Variants in MAML2 observed in about 807,000 individuals in gnomAD.
MAML2 encodes the protein mastermind-like protein 2.
In MAML2, 22 loss-of-function variants were observed where a neutral mutation model predicts 96.1. That is an observed-to-expected ratio of 0.23 (90% CI 0.16 to 0.33). The LOEUF (loss-of-function observed/expected upper bound fraction) is 0.33. Ranked by LOEUF, MAML2 falls within the 10% of genes least tolerant of loss-of-function variation. The probability of loss-of-function intolerance (pLI) is 1.00; values close to 1 mark genes in which losing one functional copy is unlikely to be tolerated. For synonymous variants in MAML2, 561 were observed against 521.3 expected, an observed-to-expected ratio of 1.08 and a Z score of -1.04; for missense variants, 1,367 against 1,392.4, an observed-to-expected ratio of 0.98 and a Z score of 0.29.
At chr11:96,100,395 C>T (rs1175768155) in intron 1 of MAML2, among the ~76,000 whole-genome samples, 4 of 151,306 alleles carry the variant, frequency 2.6e-5, no homozygotes, top group African/African-American at 4.9e-5. Flanking sequence ...CTGCAACCTC[C>T]GCCTCCCAGG....
At chr11:96,197,097 A>G (rs1165688973) in intron 1 of MAML2, among the ~76,000 whole-genome samples, 1 of 152,168 alleles carries the variant, frequency 6.6e-6, no homozygotes, top group Non-Finnish European at 1.5e-5. Flanking sequence ...CCAGGTCACT[A>G]AGGTCTGGGA....
Position 96,092,525 on chromosome 11 carries a change from G to A in MAML2, c.1506C>T (p.Gly502=), listed in dbSNP as rs774585065. The change falls in exon 2 of 5, where the codon GGC becomes GGT. Residue 502 remains glycine (G), a synonymous_variant. Transcript: ENST00000524717. This position sits in a 1 kb window ranked among gnomAD's most constrained non-coding sequence, Gnocchi z 4.1. ...CCATTACTTTCGACTGGCCGCTGCCGCCAGCTACCCCAGGCATGGGGGAGC... is the reference window on the plus strand; with the variant it reads ...CCATTACTTTCGACTGGCCGCTGCCACCAGCTACCCCAGGCATGGGGGAGC... ...PQSSPMPGVA[G]GSGQSKVMAN... is the part of the protein sequence containing the mutation. 5.6e-6 allele frequency: 9 copies of A among 1,595,338 alleles called. No homozygotes were observed. Among genetic ancestry groups the A allele is most frequent in the Middle Eastern group, 3.3e-4 (2 of 6,006 alleles).
chr11:96,084,591 C>A (rs1197652885), intron 2 of MAML2, among the ~76,000 whole-genome samples: 1 of 152,170 alleles, frequency 6.6e-6, no homozygotes, highest in Non-Finnish European at 1.5e-5. Context: ...CACCCTTCCA[C>A]CTTTCAAGGC....
chr11:96,260,962 T>G (rs919116144), intron 1 of MAML2, among the ~76,000 whole-genome samples: 1 of 152,148 alleles, frequency 6.6e-6, no homozygotes, highest in Non-Finnish European at 1.5e-5. Context: ...AAAACCAATA[T>G]AGCATATCAT....
intron 1 of MAML2, among the ~76,000 whole-genome samples, chr11:96,318,346 C>T (rs1257015229): frequency 6.6e-6 from 1 of 152,160 alleles, no homozygotes; most frequent in Admixed American, 6.5e-5. Flanking sequence ...TGACTAAAAT[C>T]CGATATGATC....
chr11:96,340,403 C>T (rs1285378756), intron 1 of MAML2, among the ~76,000 whole-genome samples: 2 of 152,232 alleles, frequency 1.3e-5, no homozygotes, highest in Non-Finnish European at 2.9e-5. Context: ...CAGGGTTCTA[C>T]CTTCCACCAG....
intron 1 of MAML2, among the ~76,000 whole-genome samples, chr11:96,262,871 C>T (rs1218101395): frequency 1.3e-5 from 2 of 152,182 alleles, no homozygotes; most frequent in African/African-American, 4.8e-5. Context: ...GCTTTCTGCA[C>T]CTTCTGGCTT....
intron 1 of MAML2, among the ~76,000 whole-genome samples, chr11:96,160,144 T>C (rs1012974253): frequency 3.3e-5 from 5 of 152,212 alleles, no homozygotes; most frequent in African/African-American, 1.2e-4. Context: ...AAGAGATGTG[T>C]CTTGTGAGCC....
rs1186680170 is a variant in MAML2, at chr11:96,034,392, TG to T, written c.2140-42670del. Among the ~76,000 whole-genome samples the T allele has an allele frequency of 4.0e-5, 6 of 148,502 alleles. No individual in the cohort carries two copies. In the East Asian group the frequency reaches 1.2e-3, roughly 29 times the overall value. On this transcript the variant is annotated intron_variant, in intron 2 of 4. Transcript: ENST00000524717. ...AGCACAGTCAGCCAGCTAGGGCAGT[TG>T]GTCAAATACTTTGAAGTGTGTGTGT...
At chr11:96,166,215 A>ACACACCCC (rs1372110272) in intron 1 of MAML2, among the ~76,000 whole-genome samples, 3 of 145,274 alleles carry the variant, frequency 2.1e-5, no homozygotes, top group Non-Finnish European at 3.0e-5. Context: ...ACACACACAC[A>ACACACCCC]CCCCACATTA....
chr11:95,991,947 C>CTCCCA (rs1229490715), intron 2 of MAML2, among the ~76,000 whole-genome samples: 2 of 152,196 alleles, frequency 1.3e-5, no homozygotes, highest in Non-Finnish European at 2.9e-5. Context: ...ACTGGAAAAG[C>CTCCCA]TCCCATGAGG....
At chr11:96,180,014 T>C (rs1861458090) in intron 1 of MAML2, among the ~76,000 whole-genome samples, 1 of 152,214 alleles carries the variant, frequency 6.6e-6, no homozygotes, top group Non-Finnish European at 1.5e-5. Context: ...TCAAAATCTA[T>C]TCTCAAGGTC....
rs890254275 is a variant in MAML2 at position 95,991,692 on chromosome 11, C to T, written c.2171G>A (p.Gly724Asp). 16 of 1,613,334 alleles carry T rather than the reference C, an allele frequency of 9.9e-6. No individual in the cohort carries two copies. Among genetic ancestry groups the T allele is most frequent in the Non-Finnish European group, 1.3e-5 (15 of 1,179,678 alleles). ...DQHSVVGQNT[G>D]PSPSPNPCSN... is the part of the protein sequence containing the mutation. ...GCAGGGGTTAGGACTTGGACTGGGG[C>T]CTGTGTTCTGGCCTACCACAGAGTG... The change falls in exon 3 of 5, where the codon GGC (glycine) becomes GAC (aspartate). Residue 724 changes from glycine to aspartate, a missense_variant. Physicochemically the swap from Gly to Asp is moderately conservative, Grantham distance 94. Transcript: ENST00000524717.
chr11:96,022,563 C>G (rs1375524614), intron 2 of MAML2, among the ~76,000 whole-genome samples: 1 of 151,930 alleles, frequency 6.6e-6, no homozygotes, highest in Non-Finnish European at 1.5e-5. Context: ...ATTTAGTTAG[C>G]CCTCACTGTC....
intron 2 of MAML2, among the ~76,000 whole-genome samples, chr11:96,034,951 AG>A (rs1291917041): frequency 2.0e-5 from 3 of 152,276 alleles, no homozygotes; most frequent in Admixed American, 1.3e-4. Context: ...AGTGTCCAAG[AG>A]GTTTAGTTTA....
intron 1 of MAML2, among the ~76,000 whole-genome samples, chr11:96,146,699 A>G (rs1860827890): frequency 1.3e-5 from 2 of 152,214 alleles, no homozygotes; most frequent in South Asian, 2.1e-4. Context: ...ATCCTACAAC[A>G]TGGACTCTGA....
intron 3 of MAML2, among the ~76,000 whole-genome samples, chr11:95,986,398 T>C (rs921121581): frequency 2.6e-5 from 4 of 151,848 alleles, no homozygotes; most frequent in African/African-American, 9.7e-5. Context: ...GATGGGCTTT[T>C]ACCATATTGG....
At chr11:96,314,630 G>A (rs1358467901) in intron 1 of MAML2, among the ~76,000 whole-genome samples, 1 of 152,104 alleles carries the variant, frequency 6.6e-6, no homozygotes, top group Non-Finnish European at 1.5e-5. Flanking sequence ...AAAACACAGG[G>A]AAACGGGAAA....
intron 1 of MAML2, among the ~76,000 whole-genome samples, chr11:96,321,463 A>G (rs1863698119): frequency 6.6e-6 from 1 of 152,254 alleles, no homozygotes; most frequent in Non-Finnish European, 1.5e-5. Flanking sequence ...AGACAAAAGA[A>G]ATAGACATAT....
Sources: gnomAD v4.1 joint callset for allele counts (sites outside exome capture counted in the v4.1 genomes callset) on GRCh38, gnomAD v4.1.1 for gene constraint, Gnocchi (gnomAD v3.1) non-coding constraint, MANE v1.5 for transcripts, NCBI Gene and HGNC (gene_info 2026-07-23, HGNC 2026-07-21) for gene names.